The following METTL15 variants were observed in gnomAD, a reference collection of about 807,000 sequenced individuals.
The protein encoded by METTL15 is methyltransferase 15, mitochondrial 12S rRNA N4-cytidine, also known as 12S rRNA N(4)-cytidine methyltransferase METTL15.
Under a neutral mutation model 38.3 loss-of-function variants are expected in METTL15, and 34 were observed. That is an observed-to-expected ratio of 0.89 (90% confidence interval 0.68 to 1.18). The LOEUF is 1.18. METTL15 is among the 50% of genes most tolerant of loss of function. METTL15 has a pLI of 0.00. For synonymous variants in METTL15, 162 were observed against 170.9 expected, an observed-to-expected ratio of 0.95 and a Z score of 0.41; for missense variants, 438 against 498.4, an observed-to-expected ratio of 0.88 and a Z score of 1.15.
intron 6 of METTL15, among the ~76,000 whole-genome samples, chr11:28,434,392 C>T (rs1211425180): frequency 1.3e-5 from 2 of 152,194 alleles, no homozygotes; most frequent in Admixed American, 1.3e-4. Context: ...TAAACTAAGG[C>T]AGATGGCATA....
At chr11:28,434,084 G>T (rs971188063) in intron 6 of METTL15, among the ~76,000 whole-genome samples, 2 of 152,082 alleles carry the variant, frequency 1.3e-5, no homozygotes, top group African/African-American at 4.8e-5. Context: ...CCCACATGTC[G>T]TGGGGAGGAA....
At chr11:28,111,961 C>G (rs1275813181) in intron 2 of METTL15, among the ~76,000 whole-genome samples, 2 of 152,014 alleles carry the variant, frequency 1.3e-5, no homozygotes, top group Non-Finnish European at 2.9e-5. Context: ...CACTCATTCC[C>G]CCCCCCACCG....
At chr11:28,213,554 A>T (rs1231285924) in intron 4 of METTL15, among the ~76,000 whole-genome samples, 1 of 151,382 alleles carries the variant, frequency 6.6e-6, no homozygotes, top group African/African-American at 2.4e-5. Context: ...GAATGTCATT[A>T]CCGTAATAGA....
In METTL15 at chr11:28,179,371, A is replaced by G. The variant is rs113476483; in HGVS notation, c.271-31691A>G. ...AAAATACAGACGTTTTAAGTGTACC[A>G]TTCTATGATTTTTTAAATGAATACC... is the stretch of plus-strand genomic sequence containing the variant. On this transcript the variant is annotated intron_variant, in intron 3 of 6. Transcript: ENST00000407364. 3.3e-5 allele frequency among the ~76,000 whole-genome samples: 5 copies of G among 151,878 alleles called. 1 individual carries two copies. The highest frequency in any genetic ancestry group is 1.2e-4 in the African/African-American group (5 of 41,530).
intron 4 of METTL15, among the ~76,000 whole-genome samples, chr11:28,274,894 C>T (rs1590247532): frequency 6.6e-6 from 1 of 151,700 alleles, no homozygotes; most frequent in East Asian, 1.9e-4. Context: ...ATGTAACAAA[C>T]CTGCACGTTG....
chr11:28,222,451 C>G (rs1030630594), intron 4 of METTL15, among the ~76,000 whole-genome samples: 1 of 152,228 alleles, frequency 6.6e-6, no homozygotes, highest in Non-Finnish European at 1.5e-5. Flanking sequence ...TGCCGTCTGT[C>G]ACCCTTTTCA....
chr11:28,502,109 A>AG (rs1015413549), intron 6 of METTL15, among the ~76,000 whole-genome samples: 1 of 151,620 alleles, frequency 6.6e-6, no homozygotes, highest in African/African-American at 2.4e-5. Context: ...TCAAAAAAAA[A>AG]AAAAAGAAAA....
At chr11:28,451,986 A>G (rs1180252443) in intron 6 of METTL15, among the ~76,000 whole-genome samples, 4 of 152,242 alleles carry the variant, frequency 2.6e-5, no homozygotes, top group Admixed American at 1.3e-4. Context: ...CTCTAAGCCT[A>G]TGAGCCTGTT....
At chr11:28,401,054 A>C (rs1340019773) in intron 5 of METTL15, among the ~76,000 whole-genome samples, 2 of 152,006 alleles carry the variant, frequency 1.3e-5, no homozygotes, top group Non-Finnish European at 2.9e-5. Context: ...TCATTAGAGC[A>C]AAAGATAGAG....
chr11:28,142,534 T>G (rs1849735410), intron 3 of METTL15, among the ~76,000 whole-genome samples: 1 of 152,150 alleles, frequency 6.6e-6, no homozygotes, highest in Non-Finnish European at 1.5e-5. Context: ...AATGCTTTGA[T>G]TTTGATTTTT....
At chr11:28,451,314 G>T (rs1208616436) in intron 6 of METTL15, among the ~76,000 whole-genome samples, 1 of 152,118 alleles carries the variant, frequency 6.6e-6, no homozygotes, top group Non-Finnish European at 1.5e-5. Flanking sequence ...GGCAGGGCTC[G>T]GTGGTTCATG....
intron 4 of METTL15, among the ~76,000 whole-genome samples, chr11:28,354,033 G>A (rs1850068173): frequency 6.6e-6 from 1 of 151,876 alleles, no homozygotes; most frequent in Non-Finnish European, 1.5e-5. Flanking sequence ...TTCTAAGAGA[G>A]AAGCTGGACA....
In METTL15 at chr11:28,332,008, T is replaced by A. The variant is rs1409826630; in HGVS notation, c.*1167T>A. 1.3e-5 allele frequency: 2 copies of A among 152,182 alleles called. No individual in the cohort carries two copies. Among genetic ancestry groups the A allele is most frequent in the Admixed American group, 6.5e-5 (1 of 15,276 alleles). 9.4% of individuals were successfully genotyped at this position (152,182 alleles called of 1,614,324 possible). ...CTTTTTTCAAATACAGAAAAAAGAT[T>A]CTCCATTATAGTTACAAATTTTAGG... is the stretch of plus-strand genomic sequence containing the variant. On this transcript the variant is annotated 3_prime_UTR_variant, in exon 7 of 7. Coordinates refer to ENST00000407364, the MANE Select transcript of METTL15 (RefSeq NM_001113528.2).
At chr11:28,289,939 CTT>C (rs1408282470) in intron 4 of METTL15, among the ~76,000 whole-genome samples, 1 of 151,992 alleles carries the variant, frequency 6.6e-6, no homozygotes, top group African/African-American at 2.4e-5. Context: ...ATTTTTCTAA[CTT>C]ATGAATATAT....
chr11:28,360,007 A>T (rs1850122599), intron 4 of METTL15, among the ~76,000 whole-genome samples: 1 of 152,166 alleles, frequency 6.6e-6, no homozygotes, highest in South Asian at 2.1e-4. Context: ...GGACTTACAA[A>T]AGAAGCCCAA....
chr11:28,328,279 T>A, intron 6 of METTL15: 1 of 946,214 alleles, frequency 1.1e-6, no homozygotes, highest in Non-Finnish European at 1.5e-6. Flanking sequence ...TTTGGCAAAG[T>A]AATTTTTATA....
In METTL15 at chr11:28,272,923, A is replaced by T. The variant is rs531510840; in HGVS notation, c.408-17283A>T. 1.6e-4 allele frequency among the ~76,000 whole-genome samples: 24 copies of T among 152,242 alleles called. 1 individual carries two copies. The highest frequency in any genetic ancestry group is 5.5e-4 in the African/African-American group (23 of 41,552). ...TGACCTTGAGCAACTGTTTTACTCCATCATTATCAAATATTTATTGAGCAC... is the reference window on the plus strand; with the variant it reads ...TGACCTTGAGCAACTGTTTTACTCCTTCATTATCAAATATTTATTGAGCAC... On this transcript the variant is annotated intron_variant, in intron 4 of 6. Coordinates refer to ENST00000407364, the MANE Select transcript of METTL15 (RefSeq NM_001113528.2).
intron 6 of METTL15, among the ~76,000 whole-genome samples, chr11:28,505,777 C>A (rs1851623092): frequency 6.6e-6 from 1 of 152,164 alleles, no homozygotes; most frequent in Non-Finnish European, 1.5e-5. Context: ...CATAACTCAG[C>A]TGGTATGATC....
intron 5 of METTL15, among the ~76,000 whole-genome samples, chr11:28,382,607 G>A (rs1234870709): frequency 1.3e-5 from 2 of 152,052 alleles, no homozygotes; most frequent in Non-Finnish European, 2.9e-5. Flanking sequence ...GCTGAGCCAG[G>A]CAGATCACCT....
Sources: gnomAD v4.1 joint callset for allele counts (sites outside exome capture counted in the v4.1 genomes callset) on GRCh38, gnomAD v4.1.1 for gene constraint, MANE v1.5 for transcripts, NCBI Gene and HGNC (gene_info 2026-07-23, HGNC 2026-07-21) for gene names.